Variants in ZBTB20 observed in about 807,000 individuals in gnomAD.
ZBTB20 encodes zinc finger and BTB domain containing 20.
ZBTB20 carries 9 observed loss-of-function variants against 56.9 expected under a neutral mutation model. The observed-to-expected ratio is 0.16, with a 90% confidence interval of 0.10 to 0.28. The LOEUF is 0.28. ZBTB20 is among the 10% of genes least tolerant of loss of function. ZBTB20 has a pLI of 1.00. For missense variants in ZBTB20, 655 were observed against 1,003.0 expected (o/e 0.65, Z 4.69); for synonymous variants, 417 against 420.7 (o/e 0.99, Z 0.11).
intron 6 of ZBTB20, among the ~76,000 whole-genome samples, chr3:114,611,652 A>C (rs1178931486): frequency 6.6e-6 from 1 of 152,116 alleles, no homozygotes; most frequent in East Asian, 1.9e-4. Context: ...GTTGGTGGGG[A>C]AGGAGACATG....
At chr3:114,748,278 GCTT>G (rs200674288) in intron 5 of ZBTB20, among the ~76,000 whole-genome samples, 4,889 of 129,906 alleles carry the variant, frequency 0.038, 109 homozygotes, top group Middle Eastern at 0.07. Context: ...TTTTGTTGTA[GCTT>G]CTTTCTTTCT....
chr3:114,648,103 T>A (rs765154179), intron 6 of ZBTB20, among the ~76,000 whole-genome samples: 7 of 152,030 alleles, frequency 4.6e-5, no homozygotes, highest in Non-Finnish European at 8.8e-5. Context: ...TTTACTGTAG[T>A]ATAGAATGTA....
chr3:114,492,621 A>G lies in ZBTB20; in HGVS notation c.-255+7731T>C, dbSNP rs570387682. 2.6e-5 allele frequency among the ~76,000 whole-genome samples: 4 copies of G among 152,258 alleles called. No individual in the cohort carries two copies. The East Asian group carries it at 7.7e-4, about 29-fold the overall frequency. The stretch of plus-strand genomic sequence containing the variant: ...TGTGGTCTACTGGAATAGCTCCCTC[A>G]CTGGTTTCCTCATATCCATTTTTGA... On this transcript the variant is annotated intron_variant, in intron 7 of 11. Coordinates refer to ENST00000675478, the MANE Select transcript of ZBTB20 (RefSeq NM_001348800.3).
chr3:114,870,695 C>T (rs1560344434), intron 4 of ZBTB20, among the ~76,000 whole-genome samples: 1 of 152,034 alleles, frequency 6.6e-6, no homozygotes, highest in East Asian at 1.9e-4. Flanking sequence ...AGTCAAATTT[C>T]ATTCAGTTTC....
intron 6 of ZBTB20, among the ~76,000 whole-genome samples, chr3:114,677,294 C>T (rs1344838615): frequency 1.3e-5 from 2 of 152,138 alleles, no homozygotes; most frequent in Non-Finnish European, 2.9e-5. Flanking sequence ...TAACAATAAA[C>T]TAATGTGGCC....
At chr3:114,657,365 C>A (rs541257577) in intron 6 of ZBTB20, among the ~76,000 whole-genome samples, 6 of 152,288 alleles carry the variant, frequency 3.9e-5, no homozygotes, top group Admixed American at 2.0e-4. Context: ...ATTTACCAAA[C>A]CCTTCTAACT....
intron 6 of ZBTB20, among the ~76,000 whole-genome samples, chr3:114,639,529 C>T (rs1177980382): frequency 1.3e-5 from 2 of 150,472 alleles, no homozygotes; most frequent in Non-Finnish European, 3.0e-5. Flanking sequence ...TAACTTGTTG[C>T]TCAGAAGGGA....
intron 6 of ZBTB20, among the ~76,000 whole-genome samples, chr3:114,536,444 C>T (rs1321661949): frequency 6.6e-6 from 1 of 152,060 alleles, no homozygotes; most frequent in Non-Finnish European, 1.5e-5. Context: ...ATGTGAAGGA[C>T]CTCTTCAAAG....
intron 4 of ZBTB20, among the ~76,000 whole-genome samples, chr3:114,842,296 T>A (rs1220618869): frequency 2.0e-5 from 3 of 152,128 alleles, no homozygotes; most frequent in Non-Finnish European, 4.4e-5. Flanking sequence ...TTATATTATA[T>A]TAAAAATTTT....
chr3:114,606,991 G>C, intron 6 of ZBTB20, among the ~76,000 whole-genome samples: 1 of 151,846 alleles, frequency 6.6e-6, no homozygotes, highest in Non-Finnish European at 1.5e-5. Context: ...CCAGCTACTT[G>C]GGAGGCTGAG....
intron 5 of ZBTB20, among the ~76,000 whole-genome samples, chr3:114,744,764 G>A (rs1293122222): frequency 6.6e-6 from 1 of 152,080 alleles, no homozygotes; most frequent in African/African-American, 2.4e-5. Flanking sequence ...ATATACAGTA[G>A]CTAATTTTTC....
chr3:115,062,198 CTGCCACAATGCACCAT>C (rs1470296368), intron 2 of ZBTB20, among the ~76,000 whole-genome samples: 1 of 152,210 alleles, frequency 6.6e-6, no homozygotes, highest in Non-Finnish European at 1.5e-5. Flanking sequence ...GCAGAGCAAA[CTGCCACAATGCACCAT>C]TGATGTTTGA....
intron 4 of ZBTB20, among the ~76,000 whole-genome samples, chr3:114,891,732 T>A (rs1396249474): frequency 6.6e-6 from 1 of 152,180 alleles, no homozygotes; most frequent in African/African-American, 2.4e-5. Flanking sequence ...GATAACTACT[T>A]CTTAAATGAG....
At chr3:114,890,424 C>T (rs2076763070) in intron 4 of ZBTB20, among the ~76,000 whole-genome samples, 1 of 152,148 alleles carries the variant, frequency 6.6e-6, no homozygotes, top group Non-Finnish European at 1.5e-5. Context: ...GGAGATCTAA[C>T]TCGGATAGGA....
intron 4 of ZBTB20, among the ~76,000 whole-genome samples, chr3:114,837,373 C>A (rs1053016120): frequency 1.3e-5 from 2 of 152,108 alleles, no homozygotes; most frequent in Non-Finnish European, 2.9e-5. Flanking sequence ...CAACTTACCC[C>A]CAAACTTAGT....
intron 7 of ZBTB20, among the ~76,000 whole-genome samples, chr3:114,395,360 C>T (rs1170817848): frequency 6.6e-6 from 1 of 152,044 alleles, no homozygotes; most frequent in Non-Finnish European, 1.5e-5. Context: ...TCCGATGAGA[C>T]ATTTAACCTC....
rs892458221 is a variant in ZBTB20, at chr3:114,330,960, T to C, written c.*8045A>G. 1.3e-5 allele frequency: 2 copies of C among 152,270 alleles called. No individual in the cohort carries two copies. Among genetic ancestry groups the C allele is most frequent in the Non-Finnish European group, 2.9e-5 (2 of 68,062 alleles). The allele number at this position is 152,270 out of a possible 1,614,324, so 9.4% of individuals were successfully genotyped here. On this transcript the variant is annotated 3_prime_UTR_variant, in exon 12 of 12. Transcript: ENST00000675478. ...AAAAACATTCCCCCCAACAGTCTATTGGTTTGCTAGACATGGTAAACAACC... is the reference window on the plus strand; with the variant it reads ...AAAAACATTCCCCCCAACAGTCTATCGGTTTGCTAGACATGGTAAACAACC...
chr3:115,016,739 T>C (rs1364541566), intron 2 of ZBTB20, among the ~76,000 whole-genome samples: 1 of 152,000 alleles, frequency 6.6e-6, no homozygotes, highest in Middle Eastern at 3.4e-3. Context: ...TGAAGTCCAG[T>C]AGTATGATGC....
intron 1 of ZBTB20, among the ~76,000 whole-genome samples, chr3:115,126,424 A>G (rs1048064049): frequency 1.2e-4 from 19 of 152,190 alleles, no homozygotes; most frequent in African/African-American, 4.6e-4. Context: ...TTCTAGCACC[A>G]TTCACAGCCA....
Sources: allele counts gnomAD v4.1 joint callset (sites outside exome capture counted in the v4.1 genomes callset), GRCh38; gene constraint gnomAD v4.1.1; transcripts MANE v1.5; gene names NCBI Gene and HGNC (gene_info 2026-07-23, HGNC 2026-07-21).